The following DCDC2 variants were observed in gnomAD, a reference collection of about 807,000 sequenced individuals.
DCDC2 encodes doublecortin domain containing 2.
DCDC2 carries 40 observed loss-of-function variants against 50.2 expected under a neutral mutation model. That is an observed-to-expected ratio of 0.80 (90% CI 0.62 to 1.04). The LOEUF (loss-of-function observed/expected upper bound fraction) is 1.04, where lower values mean the gene tolerates loss of function less well. Ranked by LOEUF, DCDC2 falls within the 50% of genes least tolerant of loss-of-function variation. DCDC2 has a pLI of 0.00. For synonymous variants in DCDC2, 234 were observed against 210.6 expected, an observed-to-expected ratio of 1.11 and a Z score of -0.96; for missense variants, 570 against 581.9, an observed-to-expected ratio of 0.98 and a Z score of 0.21.
upstream of DCDC2, among the ~76,000 whole-genome samples, chr6:24,359,020 TTATATTTTATATTTTATA>T (rs1760572147): frequency 2.3e-5 from 1 of 44,018 alleles, no homozygotes; most frequent in Non-Finnish European, 3.6e-5. Context: ...ATTATATATT[TTATATTTTATATTTTATA>T]TATATTATAT....
At chr6:24,229,078 C>T (rs893075098) in intron 7 of DCDC2, among the ~76,000 whole-genome samples, 12 of 152,204 alleles carry the variant, frequency 7.9e-5, no homozygotes, top group Admixed American at 2.0e-4. Context: ...GTATTGGTTT[C>T]CTACAGCTAC....
At chr6:24,287,341 A>G (rs983944678) in intron 6 of DCDC2, among the ~76,000 whole-genome samples, 7 of 131,052 alleles carry the variant, frequency 5.3e-5, no homozygotes, top group African/African-American at 1.4e-4. Context: ...TTTGTATTGT[A>G]TTGTATTTTA....
At chr6:24,282,163 G>A (rs1763488619) in intron 6 of DCDC2, among the ~76,000 whole-genome samples, 1 of 152,036 alleles carries the variant, frequency 6.6e-6, no homozygotes, top group Non-Finnish European at 1.5e-5. Flanking sequence ...ATATCCAAAA[G>A]GAATACCAAA....
At chr6:24,194,008 T>C (rs963150422) in intron 8 of DCDC2, among the ~76,000 whole-genome samples, 1 of 152,102 alleles carries the variant, frequency 6.6e-6, no homozygotes, top group Non-Finnish European at 1.5e-5. Flanking sequence ...TTAATTAAAA[T>C]CATTTTTAAA....
At chr6:24,295,597 T>A (rs988824518) in intron 4 of DCDC2, among the ~76,000 whole-genome samples, 1 of 152,166 alleles carries the variant, frequency 6.6e-6, no homozygotes, top group Non-Finnish European at 1.5e-5. Context: ...CAAAAGCTCT[T>A]TCAGCTGAGA....
intron 2 of DCDC2, among the ~76,000 whole-genome samples, chr6:24,307,491 ATT>A (rs1759494512): frequency 6.6e-6 from 1 of 152,156 alleles, no homozygotes; most frequent in African/African-American, 2.4e-5. Context: ...CTTCAACTCT[ATT>A]TTCTTTATCG....
intron 2 of DCDC2, among the ~76,000 whole-genome samples, chr6:24,336,123 T>C (rs981113886): frequency 2.0e-5 from 3 of 152,116 alleles, no homozygotes; most frequent in African/African-American, 7.2e-5. Flanking sequence ...AATCTGAATG[T>C]CTCCACTGTT....
At chr6:24,228,417 G>A (rs530235696) in intron 7 of DCDC2, among the ~76,000 whole-genome samples, 5 of 152,288 alleles carry the variant, frequency 3.3e-5, no homozygotes, top group East Asian at 3.9e-4. Flanking sequence ...GGCCTGGGTC[G>A]AAGTGAATTA....
the DCDC2 span, among the ~76,000 whole-genome samples, chr6:24,373,742 A>G: frequency 1.3e-5 from 2 of 152,212 alleles, no homozygotes; most frequent in African/African-American, 4.8e-5. Context: ...TTAATGCTTT[A>G]TGCTGTTCAC....
chr6:24,263,607 C>A (rs756980435), intron 7 of DCDC2, among the ~76,000 whole-genome samples: 1 of 151,956 alleles, frequency 6.6e-6, no homozygotes, highest in Non-Finnish European at 1.5e-5. Flanking sequence ...GCATCAAAGT[C>A]GCTCAATAGC....
chr6:24,257,789 T>G (rs972099101), intron 7 of DCDC2, among the ~76,000 whole-genome samples: 8 of 151,818 alleles, frequency 5.3e-5, no homozygotes, highest in Non-Finnish European at 1.0e-4. Flanking sequence ...AGAGCTGTGA[T>G]GTACAGATAG....
chr6:24,173,339 A>C lies in DCDC2; in HGVS notation c.*1391T>G, dbSNP rs1290745865. On this transcript the variant is annotated 3_prime_UTR_variant, in exon 10 of 10. Transcript: ENST00000378454. ...TATAACTGCCAACTCTTTATTCCAA[A>C]TGAAACCTGGAAGAGAAAAAATGTT... 6.6e-6 allele frequency: 1 copy of C among 152,154 alleles called. No individual in the cohort carries two copies. The highest frequency in any genetic ancestry group is 6.5e-5 in the Admixed American group (1 of 15,278). 9.4% of individuals were successfully genotyped at this position (152,154 alleles called of 1,614,324 possible). A position where few individuals can be genotyped will look rare whatever the true frequency, so the allele number is the denominator to read the frequency against.
At chr6:24,183,736 C>T (rs1027857190) in intron 8 of DCDC2, among the ~76,000 whole-genome samples, 8 of 152,070 alleles carry the variant, frequency 5.3e-5, no homozygotes, top group Non-Finnish European at 1.5e-5. Flanking sequence ...TCCCGGCATT[C>T]GGAGATAAAT....
intron 5 of DCDC2, among the ~76,000 whole-genome samples, chr6:24,289,966 CTCTTCTTTTTTTTTTTTT>C (rs1763703933): frequency 8.5e-6 from 1 of 118,314 alleles, no homozygotes; most frequent in African/African-American, 3.2e-5. Context: ...TGGGCCAGAG[CTCTTCTTTTTTTTTTTTT>C]TTTTTTTTTT....
chr6:24,235,735 T>C (rs1228322616), intron 7 of DCDC2, among the ~76,000 whole-genome samples: 1 of 152,042 alleles, frequency 6.6e-6, no homozygotes, highest in African/African-American at 2.4e-5. Context: ...CCTTGAGAAA[T>C]GGAACAAGAC....
At chr6:24,242,894 A>T (rs1218520045) in intron 7 of DCDC2, among the ~76,000 whole-genome samples, 2 of 152,068 alleles carry the variant, frequency 1.3e-5, no homozygotes, top group Non-Finnish European at 2.9e-5. Context: ...ACCAAGAGGC[A>T]CAAGTTGCAG....
chr6:24,289,166 A>G (rs1763684112), intron 5 of DCDC2, among the ~76,000 whole-genome samples: 1 of 152,210 alleles, frequency 6.6e-6, no homozygotes, highest in Non-Finnish European at 1.5e-5. Context: ...ATCACCTGAA[A>G]TTTGTATAGC....
upstream of DCDC2, chr6:24,358,263 A>C: frequency 4.8e-6 from 1 of 210,472 alleles, no homozygotes; most frequent in East Asian, 1.2e-4. Context: ...TTGCTCCCAA[A>C]TTAAAGCAAT....
intron 7 of DCDC2, chr6:24,205,337 T>C: frequency 2.0e-6 from 3 of 1,508,838 alleles, no homozygotes; most frequent in Admixed American, 4.2e-5. Flanking sequence ...TAAAGTTCTG[T>C]CGAAGCTCCT....
Sources: allele counts gnomAD v4.1 joint callset (sites outside exome capture counted in the v4.1 genomes callset), GRCh38; gene constraint gnomAD v4.1.1; transcripts MANE v1.5; gene names NCBI Gene and HGNC (gene_info 2026-07-23, HGNC 2026-07-21).